KDM5A: variants seen among roughly 807,000 people sequenced by gnomAD.
The protein encoded by KDM5A is lysine-specific demethylase 5A.
In KDM5A, 42 loss-of-function variants were observed where a neutral mutation model predicts 193.5. The ratio of observed to expected loss-of-function variants is 0.22; its 90% CI spans 0.17 to 0.28. KDM5A has a LOEUF of 0.28. KDM5A is among the 10% of genes least tolerant of loss of function. The pLI, the probability that KDM5A is intolerant of heterozygous loss-of-function variation, is 1.00. For missense variants in KDM5A, 1,692 were observed against 2,055.1 expected, an observed-to-expected ratio of 0.82 and a Z score of 3.42; for synonymous variants, 796 against 718.1, an observed-to-expected ratio of 1.11 and a Z score of -1.73.
rs761115444 is a variant in KDM5A at position 295,554 on chromosome 12, A to G, written c.4455+19T>C. The G allele has an allele frequency of 2.3e-5, 37 of 1,607,612 alleles. No homozygotes were observed. Among genetic ancestry groups the G allele is most frequent in the Non-Finnish European group, 2.9e-5 (34 of 1,174,178 alleles). ...ATTCTAGTTTTTAACCACTGTTTAAATAAGTATTAAATCCACACCTCCATG... is the reference window on the plus strand; with the variant it reads ...ATTCTAGTTTTTAACCACTGTTTAAGTAAGTATTAAATCCACACCTCCATG... On this transcript the variant is annotated intron_variant, in intron 26 of 27. Transcript: ENST00000399788.
chr12:376,063 G>T (rs1944499982), intron 3 of KDM5A, among the ~76,000 whole-genome samples: 1 of 152,232 alleles, frequency 6.6e-6, no homozygotes, highest in South Asian at 2.1e-4. Context: ...CCCGTTCTCA[G>T]ATCTCAAACT....
rs766045275 is a variant in KDM5A, at chr12:323,640, T to C, written c.2110A>G (p.Thr704Ala). 4 of 1,614,140 alleles carry C rather than the reference T, an allele frequency of 2.5e-6. No individual in the cohort carries two copies. The highest frequency in any genetic ancestry group is 1.3e-5 in the African/African-American group (1 of 75,028). The change falls in exon 15 of 28, where the codon ACT (threonine) becomes GCT (alanine). Residue 704 changes from threonine to alanine, a missense_variant. By Grantham distance (58) the Thr-to-Ala change is moderately conservative. Coordinates refer to ENST00000399788, the MANE Select transcript of KDM5A (RefSeq NM_001042603.3). ...TGCATGGGGCAGGGGCACAGATCAG[T>C]TGGATGGTAGAGACATACAAGCCGC... ...PERLVCLYHP[T>A]DLCPCPMQKK...
chr12:373,617 G>A (rs1309984103), intron 3 of KDM5A, among the ~76,000 whole-genome samples: 2 of 152,080 alleles, frequency 1.3e-5, no homozygotes, highest in African/African-American at 4.8e-5. Context: ...CTTGCCTTCT[G>A]CTAGCTTTTG....
At chr12:365,317 G>A (rs1475121207) in intron 4 of KDM5A, among the ~76,000 whole-genome samples, 1 of 152,178 alleles carries the variant, frequency 6.6e-6, no homozygotes, top group Non-Finnish European at 1.5e-5. Context: ...GCCTCCCACA[G>A]TGCTGAGATT....
chr12:292,952 T>C lies in KDM5A; in HGVS notation c.4673A>G (p.Glu1558Gly). 1 of 1,613,554 alleles carries C rather than the reference T, an allele frequency of 6.2e-7. No individual in the cohort carries two copies. The change falls in exon 27 of 28, where the codon GAA becomes GGA. Residue 1558 changes from glutamate (E) to glycine (G), a missense_variant. Coordinates refer to ENST00000399788, the MANE Select transcript of KDM5A (RefSeq NM_001042603.3). ...CTCCTTCTTTTTCTTTCTCTCTTCT[T>C]CTTTTGCTAGTTTCTTGGCCAGTTT... ...LNKLAKKLAK[E>G]EERKKKKEKA...
At chr12:375,824 T>C (rs1424988016) in intron 3 of KDM5A, among the ~76,000 whole-genome samples, 2 of 152,230 alleles carry the variant, frequency 1.3e-5, no homozygotes, top group African/African-American at 2.4e-5. Flanking sequence ...TGCAGGTCTG[T>C]TGGAGTTTGC....
chr12:363,005 C>A lies in KDM5A; in HGVS notation c.630G>T (p.Arg210Ser), dbSNP rs1164496880. The A allele has an allele frequency of 6.2e-7, 1 of 1,614,054 alleles. No homozygotes were observed. The highest frequency in any genetic ancestry group is 8.5e-7 in the Non-Finnish European group (1 of 1,180,040). ...DTQTSPEPGTRMNILPKRTRR... is the reference protein window; with the variant it reads ...DTQTSPEPGTSMNILPKRTRR... ...TTGTTCTCTTCGGCAGAATGTTCAT[C>A]CTTGTGCCTGGCTCTGGGGAAGTTT... The change falls in exon 5 of 28, where the codon AGG (arginine) becomes AGT (serine). Residue 210 changes from arginine (R) to serine (S), a missense_variant. By Grantham distance (110) the Arg-to-Ser change is moderately radical. This residue lies in a region of KDM5A where 134 missense variants were observed against 124.2 expected (regional missense o/e 1.08). Transcript: ENST00000399788.
intron 13 of KDM5A, among the ~76,000 whole-genome samples, chr12:330,326 C>G (rs16929783): frequency 0.35 from 53,869 of 151,804 alleles, 10,225 homozygotes; most frequent in East Asian, 0.58. Flanking sequence ...ATTTATTCCA[C>G]AGATAAAACT....
chr12:293,700 T>C (rs1352332950), intron 26 of KDM5A, among the ~76,000 whole-genome samples: 1 of 133,660 alleles, frequency 7.5e-6, no homozygotes, highest in East Asian at 2.4e-4. Flanking sequence ...AATGGCTTGA[T>C]CCCGGGAGGC....
At chr12:352,851 T>C (rs1591927464) in intron 8 of KDM5A, among the ~76,000 whole-genome samples, 1 of 152,206 alleles carries the variant, frequency 6.6e-6, no homozygotes, top group Non-Finnish European at 1.5e-5. Flanking sequence ...TGGAGAATAG[T>C]AAATAAGTGA....
chr12:308,139 G>T lies in KDM5A; in HGVS notation c.3379-134C>A, dbSNP rs576288165. The T allele has an allele frequency of 1.7e-5, 15 of 877,944 alleles. No homozygotes were observed. The East Asian group carries it at 3.6e-4, about 21-fold the overall frequency. 54.4% of individuals were successfully genotyped at this position (877,944 alleles called of 1,614,324 possible). On this transcript the variant is annotated intron_variant, in intron 22 of 27. Transcript: ENST00000399788. The stretch of plus-strand genomic sequence containing the variant: ...TTTCCTAAAATGTGGGGCCCCTGGC[G>T]GTTTCCATGCAAACATTCCTCAAGT...
intron 3 of KDM5A, among the ~76,000 whole-genome samples, chr12:375,043 A>G (rs1232189015): frequency 6.6e-6 from 1 of 152,040 alleles, no homozygotes; most frequent in Non-Finnish European, 1.5e-5. Context: ...TGAATCTGAC[A>G]ATTATGTGTC....
At chr12:388,833 G>T in intron 1 of KDM5A, 94 bp downstream of exon 1, 1 of 1,430,264 alleles carries the variant, frequency 7.0e-7, no homozygotes, top group Non-Finnish European at 9.9e-7. Context: ...GAGTACATAT[G>T]AAACGAGACA....
At position 282,176 on chromosome 12, in the gene KDM5A, A is replaced by G. The variant is rs1401452849; in HGVS notation, c.*3280T>C. ...CTTAGCCTCTGTCCTTTAAAAAAAG[A>G]GAGAGACAGACAGACACATGGGGTC... On this transcript the variant is annotated 3_prime_UTR_variant, in exon 28 of 28. Transcript: ENST00000399788. The G allele has an allele frequency of 2.4e-5, 6 of 252,400 alleles. No individual in the cohort carries two copies. The highest frequency in any genetic ancestry group is 4.4e-5 in the African/African-American group (2 of 45,552). The allele number at this position is 252,400 out of a possible 1,614,324, so 15.6% of individuals were successfully genotyped here. A position where few individuals can be genotyped will look rare whatever the true frequency, so the allele number is the denominator to read the frequency against.
At chr12:287,300 A>C (rs904977083) in intron 27 of KDM5A, among the ~76,000 whole-genome samples, 2 of 152,160 alleles carry the variant, frequency 1.3e-5, no homozygotes, top group Non-Finnish European at 2.9e-5. Flanking sequence ...ATTTTTAATC[A>C]GCTCCCAAGT....
intron 20 of KDM5A, among the ~76,000 whole-genome samples, chr12:311,451 C>G (rs1200250858): frequency 6.6e-6 from 1 of 151,890 alleles, no homozygotes; most frequent in Non-Finnish European, 1.5e-5. Flanking sequence ...CGAGACCAGC[C>G]TGGCCAACAT....
intron 24 of KDM5A, among the ~76,000 whole-genome samples, chr12:298,907 C>T (rs2060188315): frequency 6.6e-6 from 1 of 151,446 alleles, no homozygotes; most frequent in South Asian, 2.1e-4. Context: ...GAAGCATACA[C>T]AAGTATCAAT....
chr12:379,636 T>C (rs1944551186), intron 3 of KDM5A, among the ~76,000 whole-genome samples: 1 of 152,224 alleles, frequency 6.6e-6, no homozygotes, highest in Non-Finnish European at 1.5e-5. Context: ...AAAGTTTGTC[T>C]GCCTTTTAGC....
At chr12:318,706 G>C (rs1943680610) in intron 18 of KDM5A, among the ~76,000 whole-genome samples, 1 of 152,198 alleles carries the variant, frequency 6.6e-6, no homozygotes, top group Non-Finnish European at 1.5e-5. Context: ...TGCTGACTTA[G>C]ATGCAGGCAC....
Sources: allele counts gnomAD v4.1 joint callset (sites outside exome capture counted in the v4.1 genomes callset), GRCh38; gene constraint gnomAD v4.1.1; regional missense constraint gnomAD v4.1.1; transcripts MANE v1.5; gene names NCBI Gene and HGNC (gene_info 2026-07-23, HGNC 2026-07-21).